Variants in MEIOC observed in about 807,000 individuals in gnomAD.
MEIOC encodes the protein meiosis specific with coiled-coil domain, also known as meiosis-specific coiled-coil domain-containing protein MEIOC.
MEIOC carries 9 observed loss-of-function variants against 85.3 expected under a neutral mutation model. That is an observed-to-expected ratio of 0.11 (90% CI 0.06 to 0.18). The LOEUF (loss-of-function observed/expected upper bound fraction) is 0.18, where lower values mean the gene tolerates loss of function less well. Among genes scored for constraint, MEIOC ranks in the 10% least tolerant of loss-of-function variants. MEIOC has a pLI of 1.00. For missense variants in MEIOC, 898 were observed against 1,129.4 expected (o/e 0.80, Z 2.94); for synonymous variants, 365 against 393.7 (o/e 0.93, Z 0.86).
rs747065517 is a variant in MEIOC at position 44,667,176 on chromosome 17, A to G, written c.1265A>G (p.Tyr422Cys). 5.0e-5 allele frequency: 81 copies of G among 1,613,834 alleles called. 3 individuals are homozygous for G. In the Middle Eastern group the frequency reaches 1.2e-3, roughly 23 times the overall value. The stretch of plus-strand genomic sequence containing the variant: ...GCTGATTTTGGCTTAACATCAGAAT[A>G]TGGACTAAAACCTCACACAGCTTGT... ...FTADFGLTSE[Y>C]GLKPHTACPA... The change falls in exon 5 of 8, where the codon TAT (tyrosine) becomes TGT (cysteine). Residue 422 changes from tyrosine (Y) to cysteine (C), a missense_variant. Physicochemically the swap from Tyr to Cys is radical, Grantham distance 194. Around this residue, in one of 2 missense-constraint regions of MEIOC, gnomAD observed 734 missense variants for 860.1 expected, o/e 0.85. Transcript: ENST00000409122.
In MEIOC at chr17:44,656,534, G is replaced by T; in HGVS notation, c.-80G>T. On this transcript the variant is annotated 5_prime_UTR_variant, in exon 1 of 8. Coordinates refer to ENST00000409122, the MANE Select transcript of MEIOC (RefSeq NM_001145080.3). ...GGAGACGGCGGGGTGCGGGCTGAGG[G>T]AGCCGGGCCTGGACGCCCCCCCCAT... 1 of 1,176,708 alleles carries T rather than the reference G, an allele frequency of 8.5e-7. No homozygotes were observed. Among genetic ancestry groups the T allele is most frequent in the South Asian group, 2.2e-5 (1 of 44,852 alleles). 72.9% of individuals were successfully genotyped at this position (1,176,708 alleles called of 1,614,324 possible). A position where few individuals can be genotyped will look rare whatever the true frequency, so the allele number is the denominator to read the frequency against.
intron 6 of MEIOC, chr17:44,671,026 G>C (rs1176410081): frequency 6.6e-6 from 1 of 151,524 alleles, no homozygotes; most frequent in African/African-American, 2.4e-5. Flanking sequence ...AATAAAATTT[G>C]ATAAAGATTC....
chr17:44,659,897 C>T (rs185723096), intron 2 of MEIOC, among the ~76,000 whole-genome samples: 61 of 152,168 alleles, frequency 4.0e-4, no homozygotes, highest in African/African-American at 1.3e-3. Context: ...AGTTTTAGCT[C>T]TCAGCAAAAT....
At chr17:44,673,607 A>C in intron 7 of MEIOC, 61 bp downstream of exon 7, 1 of 1,324,106 alleles carries the variant, frequency 7.6e-7, no homozygotes, top group South Asian at 1.5e-5. Flanking sequence ...TATTGATAAA[A>C]TCAGATTCTG....
chr17:44,658,034 T>C (rs540607614), intron 2 of MEIOC, among the ~76,000 whole-genome samples: 6 of 148,080 alleles, frequency 4.1e-5, no homozygotes, highest in Admixed American at 4.0e-4. Flanking sequence ...GTATTGTTTT[T>C]AGAGACCGGG....
In MEIOC at chr17:44,667,231, A is replaced by C. The variant is rs1971921433; in HGVS notation, c.1320A>C (p.Glu440Asp). 6.2e-7 allele frequency: 1 copy of C among 1,613,780 alleles called. No individual in the cohort carries two copies. Among genetic ancestry groups the C allele is most frequent in the African/African-American group, 1.3e-5 (1 of 74,926 alleles). The change falls in exon 5 of 8, where the codon GAA becomes GAC. Residue 440 changes from glutamate (E) to aspartate (D), a missense_variant. Transcript: ENST00000409122. ...CTAATGATTTTGCTAACGTCACAGAAAAGCAACAGTTTGCTAAACCTGATC... is the reference window on the plus strand; with the variant it reads ...CTAATGATTTTGCTAACGTCACAGACAAGCAACAGTTTGCTAAACCTGATC... ...CPANDFANVT[E>D]KQQFAKPDPP...
intron 1 of MEIOC, among the ~76,000 whole-genome samples, chr17:44,656,895 C>T (rs1209778911): frequency 6.6e-6 from 1 of 150,524 alleles, no homozygotes; most frequent in Non-Finnish European, 1.5e-5. Context: ...CGGGAGGCAG[C>T]CGTCGCGCTG....
At chr17:44,657,051 C>T (rs1273806630) in intron 1 of MEIOC, 76 bp from the exon 2 acceptor site, 2 of 1,469,102 alleles carry the variant, frequency 1.4e-6, no homozygotes, top group African/African-American at 2.8e-5. Context: ...CGAGGTAGAA[C>T]AGGTGTCGGG....
chr17:44,656,859 G>A, intron 1 of MEIOC, among the ~76,000 whole-genome samples, 177 bp downstream of exon 1: 1 of 150,106 alleles, frequency 6.7e-6, no homozygotes, highest in East Asian at 2.0e-4. Context: ...GGACGGGCCG[G>A]ACGGAGCGCG....
At chr17:44,669,313 G>T in intron 5 of MEIOC, 70 bp from the exon 6 acceptor site, 3 of 1,290,070 alleles carry the variant, frequency 2.3e-6, no homozygotes, top group Non-Finnish European at 3.2e-6. Flanking sequence ...TTAGGCTTAC[G>T]AAAACTATTA....
At position 44,667,021 on chromosome 17, in the gene MEIOC, G is replaced by C; in HGVS notation, c.1110G>C (p.Lys370Asn). ...TPTVEADTYT[K>N]LFQVKPANQK... ...CTGTAGAAGCAGACACCTACACAAA[G>C]TTATTTCAGGTTAAGCCAGCGAATC... Residue 370 changes from lysine (K) to asparagine (N), a missense_variant, in exon 5 of 8, where the codon AAG becomes AAC. Around this residue, in one of 2 missense-constraint regions of MEIOC, gnomAD observed 734 missense variants for 860.1 expected, o/e 0.85. Transcript: ENST00000409122. 4 of 1,613,668 alleles carry C rather than the reference G, an allele frequency of 2.5e-6. No individual in the cohort carries two copies. Among genetic ancestry groups the C allele is most frequent in the Non-Finnish European group, 3.4e-6 (4 of 1,179,816 alleles).
chr17:44,662,731 A>G (rs1042323068), intron 3 of MEIOC, among the ~76,000 whole-genome samples: 1 of 152,190 alleles, frequency 6.6e-6, no homozygotes, highest in Non-Finnish European at 1.5e-5. Context: ...GGCTCACTAC[A>G]ACTTTGAACT....
In MEIOC at chr17:44,656,625, A is replaced by T. The variant is rs1195904466; in HGVS notation, c.12A>T (p.Arg4Ser). 6.1e-6 allele frequency: 9 copies of T among 1,483,244 alleles called. No individual in the cohort carries two copies. The African/African-American group carries it at 1.2e-4, about 19-fold the overall frequency. 91.9% of individuals were successfully genotyped at this position (1,483,244 alleles called of 1,614,324 possible). ...CTGGGGGGCGCCCCATGGAGGTGAG[A>T]CGCGGAGACACCTGCCCGCGCCCTC... Reference protein sequence around the residue: MEVRRGDTCPRPHP... With the variant: MEVSRGDTCPRPHP... Residue 4 changes from arginine (R) to serine (S), a missense_variant, in exon 1 of 8, where the codon AGA becomes AGT. Coordinates refer to ENST00000409122, the MANE Select transcript of MEIOC (RefSeq NM_001145080.3).
At chr17:44,668,598 T>A (rs565562704) in intron 5 of MEIOC, among the ~76,000 whole-genome samples, 18 of 152,342 alleles carry the variant, frequency 1.2e-4, no homozygotes, top group African/African-American at 3.8e-4. Flanking sequence ...TCCCAAGTGT[T>A]GGCATTACAG....
chr17:44,659,180 T>C (rs1269692547), intron 2 of MEIOC, among the ~76,000 whole-genome samples: 1 of 152,192 alleles, frequency 6.6e-6, no homozygotes, highest in Admixed American at 6.5e-5. Context: ...ATTATAACAA[T>C]ATCTAGAAAT....
chr17:44,659,974 T>C (rs113169395), intron 2 of MEIOC, among the ~76,000 whole-genome samples: 4,240 of 152,270 alleles, frequency 0.028, 189 homozygotes, highest in African/African-American at 0.094. Flanking sequence ...AGAAAAATTA[T>C]AATGTGTGGG....
At chr17:44,670,274 A>AG (rs1971984824) in intron 6 of MEIOC, 1 of 150,498 alleles carries the variant, frequency 6.6e-6, no homozygotes. Context: ...AAAAAAAAAA[A>AG]AAAAGAAAAA....
chr17:44,669,262 C>A, intron 5 of MEIOC, 121 bp from the exon 6 acceptor site: 1 of 788,574 alleles, frequency 1.3e-6, no homozygotes, highest in Non-Finnish European at 2.0e-6. Context: ...TCTTTTGATA[C>A]CAAAACAGAA....
chr17:44,673,263 T>G, intron 6 of MEIOC, 103 bp from the exon 7 acceptor site: 1 of 789,832 alleles, frequency 1.3e-6, no homozygotes. Context: ...ATTTATTGAA[T>G]GAATATTATT....
Sources: gnomAD v4.1 joint callset for allele counts (sites outside exome capture counted in the v4.1 genomes callset) on GRCh38, gnomAD v4.1.1 for gene constraint, gnomAD v4.1.1 regional missense constraint, MANE v1.5 for transcripts, NCBI Gene and HGNC (gene_info 2026-07-23, HGNC 2026-07-21) for gene names.